SHB: variants seen among roughly 807,000 people sequenced by gnomAD.
SHB encodes SH2 domain-containing adapter protein B.
SHB carries 20 observed loss-of-function variants against 52.3 expected under a neutral mutation model. The observed-to-expected ratio is 0.38, with a 90% CI of 0.27 to 0.56. The LOEUF (loss-of-function observed/expected upper bound fraction) is 0.56, where lower values mean the gene tolerates loss of function less well. SHB is among the 20% of genes least tolerant of loss of function. SHB has a pLI of 0.71. For missense variants in SHB, 825 were observed against 723.3 expected (o/e 1.14, Z -1.61); for synonymous variants, 397 against 316.5 (o/e 1.25, Z -2.70).
chr9:37,922,836 G>C (rs2118454840), intron 5 of SHB, among the ~76,000 whole-genome samples: 1 of 152,278 alleles, frequency 6.6e-6, no homozygotes, highest in South Asian at 2.1e-4. Flanking sequence ...CATCCACAGG[G>C]AGGCTGACTA....
chr9:37,997,767 G>A (rs1021306623), intron 2 of SHB, among the ~76,000 whole-genome samples: 5 of 152,178 alleles, frequency 3.3e-5, no homozygotes, highest in African/African-American at 4.8e-5. Context: ...CACGGAGGCC[G>A]AGGCACTCTG....
chr9:38,027,192 GGGGCA>G lies in SHB; in HGVS notation c.718-11066_718-11062del, dbSNP rs148875005. ...AGCAAGGTGTGCTGGGCTGAAACCA[GGGGCA>G]GGGCAGGGCAGGGCCTCCAGGGTGG... On this transcript the variant is annotated intron_variant, in intron 1 of 5. Transcript: ENST00000377707. Among the ~76,000 whole-genome samples, 1,097 of 152,338 alleles carry G rather than the reference GGGGCA, an allele frequency of 7.2e-3. 16 individuals are homozygous for G. The highest frequency in any genetic ancestry group is 0.025 in the African/African-American group (1,034 of 41,578).
At chr9:37,936,001 G>A (rs1414473509) in intron 5 of SHB, among the ~76,000 whole-genome samples, 3 of 149,730 alleles carry the variant, frequency 2.0e-5, no homozygotes, top group Non-Finnish European at 3.0e-5. Flanking sequence ...TCAGGAGTTC[G>A]AGACCAGCCT....
At chr9:38,059,096 C>T (rs569161376) in intron 1 of SHB, among the ~76,000 whole-genome samples, 1 of 152,356 alleles carries the variant, frequency 6.6e-6, no homozygotes, top group South Asian at 2.1e-4. Flanking sequence ...CAACACACAG[C>T]AGGCTCTCAA....
In SHB at chr9:37,918,274, AAGC is replaced by A. The variant is rs1287824835; in HGVS notation, c.*1544_*1546del. Reference sequence around the variant, plus strand: ...CTTCATGCTACTGGGTGGGTGGAAAAAGCAGGAGAGCTGAGAAACTCTTAGCCT... The same window carrying A: ...CTTCATGCTACTGGGTGGGTGGAAAAAGGAGAGCTGAGAAACTCTTAGCCT... On this transcript the variant is annotated 3_prime_UTR_variant, in exon 6 of 6. Transcript: ENST00000377707. Among the ~76,000 whole-genome samples, 11 of 152,186 alleles carry A rather than the reference AAGC, an allele frequency of 7.2e-5. No homozygotes were observed. Among genetic ancestry groups the A allele is most frequent in the Non-Finnish European group, 1.6e-4 (11 of 68,030 alleles).
intron 3 of SHB, among the ~76,000 whole-genome samples, chr9:37,959,755 C>T (rs1426281039): frequency 6.6e-6 from 1 of 152,110 alleles, no homozygotes; most frequent in Non-Finnish European, 1.5e-5. Flanking sequence ...ACCACTTACC[C>T]TCCAGAGGTC....
intron 5 of SHB, among the ~76,000 whole-genome samples, chr9:37,938,285 A>T (rs1259840000): frequency 6.6e-6 from 1 of 152,034 alleles, no homozygotes; most frequent in Non-Finnish European, 1.5e-5. Flanking sequence ...TCAGGCTGTA[A>T]TCCCCGGGCT....
At chr9:37,958,240 C>T (rs1832657452) in intron 3 of SHB, among the ~76,000 whole-genome samples, 1 of 152,218 alleles carries the variant, frequency 6.6e-6, no homozygotes, top group Non-Finnish European at 1.5e-5. Flanking sequence ...CGCCAGTGGT[C>T]AGATCCAGCC....
intron 2 of SHB, among the ~76,000 whole-genome samples, chr9:37,995,321 TCCCAC>T (rs1820934318): frequency 6.7e-6 from 1 of 150,174 alleles, no homozygotes. Context: ...CCTGGGGAAG[TCCCAC>T]CCCACCCTCC....
At chr9:37,993,037 G>C (rs1168066481) in intron 2 of SHB, among the ~76,000 whole-genome samples, 3 of 152,196 alleles carry the variant, frequency 2.0e-5, no homozygotes, top group Non-Finnish European at 4.4e-5. Context: ...GTCTCAGCCA[G>C]GAGTTAGCGG....
chr9:38,064,770 C>G (rs1395585054), intron 1 of SHB, among the ~76,000 whole-genome samples: 5 of 152,188 alleles, frequency 3.3e-5, no homozygotes, highest in Non-Finnish European at 7.3e-5. Context: ...AAAGTAAATG[C>G]TGGAAAAAGT....
At chr9:37,958,718 T>C (rs775237309) in intron 3 of SHB, among the ~76,000 whole-genome samples, 1 of 152,160 alleles carries the variant, frequency 6.6e-6, no homozygotes, top group Non-Finnish European at 1.5e-5. Context: ...GCCTAAAACC[T>C]GGAGCTGGGG....
chr9:37,998,126 G>A (rs60044730), intron 2 of SHB, among the ~76,000 whole-genome samples: 4 of 152,126 alleles, frequency 2.6e-5, no homozygotes, highest in African/African-American at 9.6e-5. Flanking sequence ...AGGGGAGCGC[G>A]ACGGGGATTT....
chr9:38,015,969 T>C, intron 2 of SHB, 42 bp downstream of exon 2: 1 of 1,606,594 alleles, frequency 6.2e-7, no homozygotes, highest in East Asian at 2.2e-5. Context: ...TTTCTACCCC[T>C]ACAACCCCAG....
chr9:38,054,113 T>G (rs181745628), intron 1 of SHB, among the ~76,000 whole-genome samples: 2 of 152,320 alleles, frequency 1.3e-5, no homozygotes, highest in East Asian at 3.9e-4. Flanking sequence ...GTTACTAAGC[T>G]TCCAAGCACC....
At chr9:37,948,196 G>A (rs746068137) in intron 5 of SHB, among the ~76,000 whole-genome samples, 4 of 152,086 alleles carry the variant, frequency 2.6e-5, no homozygotes, top group Non-Finnish European at 5.9e-5. Flanking sequence ...GAGAGTCATG[G>A]GCTGGTCACA....
At chr9:37,954,960 G>A (rs1286854013) in intron 4 of SHB, among the ~76,000 whole-genome samples, 1 of 152,040 alleles carries the variant, frequency 6.6e-6, no homozygotes, top group Non-Finnish European at 1.5e-5. Flanking sequence ...AAAGGGATGT[G>A]GGACCTTGGG....
intron 3 of SHB, among the ~76,000 whole-genome samples, chr9:37,971,175 ACTCG>A (rs1177947659): frequency 1.3e-5 from 2 of 151,900 alleles, no homozygotes; most frequent in Non-Finnish European, 2.9e-5. Flanking sequence ...CACACCAACG[ACTCG>A]CTCAAGTGTG....
chr9:37,962,906 T>C (rs1832709256), intron 3 of SHB, among the ~76,000 whole-genome samples: 1 of 152,222 alleles, frequency 6.6e-6, no homozygotes, highest in Admixed American at 6.5e-5. Flanking sequence ...GGCAAACCTA[T>C]GAGGTCAGTG....
Sources: gnomAD v4.1 joint callset for allele counts (sites outside exome capture counted in the v4.1 genomes callset) on GRCh38, gnomAD v4.1.1 for gene constraint, MANE v1.5 for transcripts, NCBI Gene and HGNC (gene_info 2026-07-23, HGNC 2026-07-21) for gene names.